Variants in PACRGL observed in about 807,000 individuals in gnomAD.
PACRGL encodes PACRG-like protein.
Under a neutral mutation model 34.5 loss-of-function variants are expected in PACRGL, and 38 were observed. That is an observed-to-expected ratio of 1.10 (90% CI 0.85 to 1.44). The LOEUF (loss-of-function observed/expected upper bound fraction) is 1.44, where lower values mean the gene tolerates loss of function less well. Among genes scored for constraint, PACRGL ranks in the 40% most tolerant of loss-of-function variants. The pLI is 0.00. For missense variants in PACRGL, 305 were observed against 281.4 expected (o/e 1.08, Z -0.60); for synonymous variants, 128 against 100.1 (o/e 1.28, Z -1.66).
the PACRGL span, chr4:20,758,938 T>C: frequency 6.6e-7 from 1 of 1,520,590 alleles, no homozygotes; most frequent in Admixed American, 1.7e-5. Context: ...TTCATAAAAC[T>C]GAATTTTTTT....
intron 5 of PACRGL, 135 bp downstream of exon 5, chr4:20,709,908 A>C: frequency 3.1e-6 from 2 of 637,572 alleles, no homozygotes; most frequent in South Asian, 3.8e-5. Flanking sequence ...TTGAAACACC[A>C]CACACCCTTA....
intron 3 of PACRGL, among the ~76,000 whole-genome samples, chr4:20,705,490 A>T (rs1734099414): frequency 6.6e-6 from 1 of 152,130 alleles, no homozygotes; most frequent in Admixed American, 6.5e-5. Flanking sequence ...GCTCTCCAAG[A>T]CAGAAGGAGT....
chr4:20,721,065 T>C (rs1742859726), intron 7 of PACRGL, among the ~76,000 whole-genome samples: 2 of 152,196 alleles, frequency 1.3e-5, no homozygotes, highest in Admixed American at 1.3e-4. Context: ...CTCGCTTCAT[T>C]TCATTCATTT....
At chr4:20,716,350 T>C in intron 7 of PACRGL, 1 of 587,248 alleles carries the variant, frequency 1.7e-6, no homozygotes, top group Non-Finnish European at 3.0e-6. Flanking sequence ...TTTTGTTTGT[T>C]TGTTTGTTTT....
chr4:20,713,494 T>C lies in PACRGL; in HGVS notation c.564T>C (p.Val188=), dbSNP rs745733738. 1 of 1,613,792 alleles carries C rather than the reference T, an allele frequency of 6.2e-7. No individual in the cohort carries two copies. The highest frequency in any genetic ancestry group is 1.7e-5 in the Admixed American group (1 of 59,974). Residue 188 remains valine, a synonymous_variant, in exon 7 of 9, where the codon GTT becomes GTC. Transcript: ENST00000503585. ...GLNALVQLSV[V]VGPSLNDHLK... Reference sequence around the variant, plus strand: ...ATGCTCTAGTTCAGCTAAGTGTCGTTGTTGGTCCTTCTCTAAACGACCATC... The same window carrying C: ...ATGCTCTAGTTCAGCTAAGTGTCGTCGTTGGTCCTTCTCTAAACGACCATC...
rs140666081 is a variant in PACRGL at position 20,727,287 on chromosome 4, G to T, written c.693G>T (p.Gly231=). Residue 231 remains glycine (G), a splice_region_variant and synonymous_variant, in exon 9 of 9, where the codon GGG becomes GGT. Coordinates refer to ENST00000503585, the MANE Select transcript of PACRGL (RefSeq NM_001258345.3). ...LQKLEQHGGS[G]SLSIIKSKIP... ...GCTCAATTTTTTTCTGTTGACAGGG[G>T]AGCCTTAGCATCATCAAATCTAAAA... is the stretch of plus-strand genomic sequence containing the variant. 14,926 of 1,610,688 alleles carry T rather than the reference G, an allele frequency of 9.3e-3. 113 individuals carry two copies. The highest frequency in any genetic ancestry group is 0.011 in the Non-Finnish European group (12,799 of 1,177,176).
At chr4:20,702,773 T>G (rs1206158183) in intron 1 of PACRGL, 1 of 152,260 alleles carries the variant, frequency 6.6e-6, no homozygotes, top group African/African-American at 2.4e-5. Context: ...TCTCTCAGCT[T>G]ATTTTAGACT....
At chr4:20,709,547 T>C in intron 4 of PACRGL, 136 bp from the exon 5 acceptor site, 1 of 546,838 alleles carries the variant, frequency 1.8e-6, no homozygotes, top group East Asian at 3.1e-5. Context: ...AAAATGTCCT[T>C]GTACTATCTT....
At chr4:20,741,933 G>C (rs1452241230) in intron 8 of PACRGL, among the ~76,000 whole-genome samples, 4 of 152,230 alleles carry the variant, frequency 2.6e-5, no homozygotes, top group African/African-American at 9.6e-5. Context: ...CAGAGAATAC[G>C]ATGAACACCT....
At chr4:20,713,005 T>C in intron 6 of PACRGL, 83 bp downstream of exon 6, 3 of 1,284,982 alleles carry the variant, frequency 2.3e-6, no homozygotes, top group Admixed American at 2.7e-5. Context: ...ATTGTATGCC[T>C]TTTTCCCTCC....
At chr4:20,713,582 A>G (rs762015617) in intron 7 of PACRGL, 43 bp downstream of exon 7, 2 of 1,462,546 alleles carry the variant, frequency 1.4e-6, no homozygotes, top group South Asian at 2.3e-5. Flanking sequence ...TGTATGTATC[A>G]TGCACCATCC....
chr4:20,704,730 C>T lies in PACRGL; in HGVS notation c.123C>T (p.Ser41=). 6.2e-7 allele frequency: 1 copy of T among 1,614,030 alleles called. No individual in the cohort carries two copies. Among genetic ancestry groups the T allele is most frequent in the Non-Finnish European group, 8.5e-7 (1 of 1,179,916 alleles). The change falls in exon 3 of 9, where the codon TCC becomes TCT. Residue 41 remains serine (S), a synonymous_variant. Transcript: ENST00000503585. The part of the protein sequence containing the change: ...KHRNAVQGSK[S]SLSTSSPESA... Reference sequence around the variant, plus strand: ...GGAATGCAGTTCAGGGAAGCAAATCCTCATTGTCAACCAGTTCTCCAGAGT... The same window carrying T: ...GGAATGCAGTTCAGGGAAGCAAATCTTCATTGTCAACCAGTTCTCCAGAGT...
intron 1 of PACRGL, chr4:20,702,136 A>C (rs756480177): frequency 2.2e-6 from 1 of 456,540 alleles, no homozygotes; most frequent in Admixed American, 2.4e-5. Context: ...ACACCTCCCC[A>C]TTAGTTTGTT....
chr4:20,734,536 A>G, downstream of PACRGL: 2 of 632,242 alleles, frequency 3.2e-6, no homozygotes, highest in South Asian at 6.6e-5. Flanking sequence ...TTCCTCAAAA[A>G]AACTTTTCAA....
intron 8 of PACRGL, among the ~76,000 whole-genome samples, chr4:20,741,126 G>A (rs960576878): frequency 2.6e-5 from 4 of 151,926 alleles, no homozygotes; most frequent in Admixed American, 1.3e-4. Flanking sequence ...ATAATGGGAG[G>A]CTTTAACACC....
Position 20,731,809 on chromosome 4 carries a change from CTCAG to C in PACRGL, c.*4470_*4473del. 1 of 985,396 alleles carries C rather than the reference CTCAG, an allele frequency of 1.0e-6. No homozygotes were observed. Among genetic ancestry groups the C allele is most frequent in the South Asian group, 4.7e-5 (1 of 21,288 alleles). 61.0% of individuals were successfully genotyped at this position (985,396 alleles called of 1,614,324 possible). On this transcript the variant is annotated 3_prime_UTR_variant, in exon 9 of 9. Transcript: ENST00000503585. ...CCCCAGGGTTTCCTCCATAGCCTGA[CTCAG>C]TGGGCACTCTAAATGTTGATTATGT...
chr4:20,709,928 T>G (rs964625525), intron 5 of PACRGL, 155 bp downstream of exon 5: 1 of 577,708 alleles, frequency 1.7e-6, no homozygotes, highest in Non-Finnish European at 3.1e-6. Flanking sequence ...AGGAATGAAT[T>G]ATGATTCTTA....
chr4:20,708,993 G>T (rs1321635156), intron 4 of PACRGL, among the ~76,000 whole-genome samples: 2 of 151,090 alleles, frequency 1.3e-5, no homozygotes, highest in Non-Finnish European at 2.9e-5. Context: ...TACAAAATTA[G>T]CCGGGTGTGG....
At chr4:20,704,637 A>AT (rs1560289354) in intron 2 of PACRGL, 23 bp from the exon 3 acceptor site, 1 of 1,613,900 alleles carries the variant, frequency 6.2e-7, no homozygotes, top group East Asian at 2.2e-5. Flanking sequence ...CCTGGTTTCT[A>AT]TTGATGTTCT....
Sources: allele counts gnomAD v4.1 joint callset (sites outside exome capture counted in the v4.1 genomes callset), GRCh38; gene constraint gnomAD v4.1.1; transcripts MANE v1.5; gene names NCBI Gene and HGNC (gene_info 2026-07-23, HGNC 2026-07-21).